Variants in ANK2 observed in about 807,000 individuals in gnomAD.
The protein encoded by ANK2 is ankyrin-2.
A neutral mutation model predicts 360.5 loss-of-function variants in ANK2; 83 were observed. That is an observed-to-expected ratio of 0.23 (90% CI 0.19 to 0.28). The LOEUF (loss-of-function observed/expected upper bound fraction) is 0.28, where lower values mean the gene tolerates loss of function less well. ANK2 is among the 10% of genes least tolerant of loss of function. The pLI is 1.00. For missense variants in ANK2, 4,201 were observed against 4,795.7 expected (o/e 0.88, Z 3.66); for synonymous variants, 1,740 against 1,759.5 (o/e 0.99, Z 0.28).
rs200605861 is a variant in ANK2 at position 113,358,872 on chromosome 4, A to C, written c.10254A>C (p.Arg3418Ser). ...ACACTGAGACAGAAACAGAGAGCAG[A>C]GAGAGGGCCGAGGAACTTGAGTTAG... is the stretch of plus-strand genomic sequence containing the variant. ...RSYTETETES[R>S]ERAEELELES... Residue 3418 changes from arginine (R) to serine (S), a missense_variant, in exon 38 of 46, where the codon AGA becomes AGC. Physicochemically the swap from Arg to Ser is moderately radical, Grantham distance 110. Around this residue, in one of 4 missense-constraint regions of ANK2, gnomAD observed 2,642 missense variants for 2,714.5 expected, o/e 0.97. Coordinates refer to ENST00000357077, the MANE Select transcript of ANK2 (RefSeq NM_001148.6). 41 of 1,614,012 alleles carry C rather than the reference A, an allele frequency of 2.5e-5. No homozygotes were observed. The highest frequency in any genetic ancestry group is 1.1e-5 in the Non-Finnish European group (13 of 1,179,976).
At chr4:113,185,185 T>C (rs1235366039) in intron 2 of ANK2, among the ~76,000 whole-genome samples, 2 of 152,244 alleles carry the variant, frequency 1.3e-5, no homozygotes, top group Non-Finnish European at 2.9e-5. Context: ...TGTGTCTTTA[T>C]AGTAGAATGA....
chr4:112,887,552 G>A (rs1008919712), intron 1 of ANK2, among the ~76,000 whole-genome samples: 1 of 152,116 alleles, frequency 6.6e-6, no homozygotes, highest in African/African-American at 2.4e-5. Flanking sequence ...ATGAATAAAA[G>A]ATATGTGTTT....
intron 2 of ANK2, among the ~76,000 whole-genome samples, chr4:112,955,807 T>C (rs777764916): frequency 8.5e-5 from 13 of 152,232 alleles, no homozygotes; most frequent in Non-Finnish European, 1.5e-4. Flanking sequence ...TTAGTATCCC[T>C]ATTTTGGAAG....
At chr4:113,372,612 G>A in intron 43 of ANK2, 6 of 1,535,574 alleles carry the variant, frequency 3.9e-6, no homozygotes, top group South Asian at 3.6e-5. Flanking sequence ...GTCCGCCGGC[G>A]AGTGATTATT....
the ANK2 span, among the ~76,000 whole-genome samples, chr4:112,812,171 C>T: frequency 1.8e-4 from 26 of 146,734 alleles, no homozygotes; most frequent in Non-Finnish European, 3.6e-4. Flanking sequence ...GACTAATTTT[C>T]GTGTAAGGAA....
intron 1 of ANK2, among the ~76,000 whole-genome samples, chr4:112,899,304 C>T (rs567838051): frequency 3.2e-4 from 49 of 152,224 alleles, no homozygotes; most frequent in African/African-American, 1.1e-3. Context: ...TTCAATTAAA[C>T]TGATTGCTTA....
chr4:113,331,033 C>G (rs919922155), intron 27 of ANK2, among the ~76,000 whole-genome samples: 3 of 152,080 alleles, frequency 2.0e-5, no homozygotes, highest in Non-Finnish European at 4.4e-5. Flanking sequence ...TAGCTTCCAC[C>G]GTGCTCGTTT....
At chr4:113,194,233 T>G (rs1584515239) in intron 2 of ANK2, among the ~76,000 whole-genome samples, 1 of 152,208 alleles carries the variant, frequency 6.6e-6, no homozygotes, top group East Asian at 1.9e-4. Context: ...TGATGGATGA[T>G]GATGCAAACA....
intron 1 of ANK2, among the ~76,000 whole-genome samples, chr4:113,155,071 A>T (rs889895809): frequency 4.6e-5 from 7 of 152,260 alleles, no homozygotes; most frequent in African/African-American, 1.4e-4. Context: ...TGTGTATAGC[A>T]AATTCCATAT....
At chr4:112,766,192 C>T in the ANK2 span, among the ~76,000 whole-genome samples, 40 of 151,820 alleles carry the variant, frequency 2.6e-4, no homozygotes, top group African/African-American at 7.5e-4. Context: ...ATTAGCCGGG[C>T]GTGGTGGTGC....
intron 1 of ANK2, among the ~76,000 whole-genome samples, chr4:113,099,306 C>T (rs9996681): frequency 0.48 from 73,375 of 151,612 alleles, 18,746 homozygotes; most frequent in African/African-American, 0.63. Flanking sequence ...TTGATGATAG[C>T]AGGATCACAG....
At chr4:112,998,375 G>T (rs1014436322) in intron 2 of ANK2, among the ~76,000 whole-genome samples, 1 of 152,070 alleles carries the variant, frequency 6.6e-6, no homozygotes, top group Non-Finnish European at 1.5e-5. Flanking sequence ...AGTACCATTT[G>T]CCAGAAGTGT....
At chr4:113,053,466 G>A (rs1049656047) in intron 1 of ANK2, among the ~76,000 whole-genome samples, 5 of 152,182 alleles carry the variant, frequency 3.3e-5, no homozygotes, top group Admixed American at 2.0e-4. Context: ...GTTCAGTGGC[G>A]AAGAGGAAAT....
At chr4:113,017,043 T>C (rs1391894993) in intron 2 of ANK2, among the ~76,000 whole-genome samples, 1 of 152,216 alleles carries the variant, frequency 6.6e-6, no homozygotes, top group Non-Finnish European at 1.5e-5. Flanking sequence ...AAATGTGGTA[T>C]ACCACATGCA....
chr4:112,791,104 G>C, the ANK2 span, among the ~76,000 whole-genome samples: 1 of 152,192 alleles, frequency 6.6e-6, no homozygotes, highest in African/African-American at 2.4e-5. Context: ...GCAGAAGTTG[G>C]ATTACTGGGT....
chr4:112,868,940 A>G (rs1226543559), intron 1 of ANK2, among the ~76,000 whole-genome samples: 1 of 151,876 alleles, frequency 6.6e-6, no homozygotes, highest in East Asian at 1.9e-4. Context: ...CCATTCTAAG[A>G]GTTGTCTTTT....
At chr4:112,996,944 T>C (rs1166403278) in intron 2 of ANK2, among the ~76,000 whole-genome samples, 1 of 152,098 alleles carries the variant, frequency 6.6e-6, no homozygotes, top group East Asian at 1.9e-4. Context: ...TCTCCCTATG[T>C]CCATGAATTT....
chr4:113,012,183 T>C (rs2054971944), intron 2 of ANK2, among the ~76,000 whole-genome samples: 1 of 152,164 alleles, frequency 6.6e-6, no homozygotes, highest in African/African-American at 2.4e-5. Context: ...GAGAAGGTAA[T>C]TGGTTTTTAT....
chr4:113,222,292 C>G lies in ANK2; in HGVS notation c.385-9869C>G, dbSNP rs2099159942. The stretch of plus-strand genomic sequence containing the variant: ...ATAGAAATTCCATAATGTCACAAGG[C>G]AGAGCTTTCCAGCTCATCCCTAGTA... On this transcript the variant is annotated intron_variant, in intron 4 of 45. Coordinates refer to ENST00000357077, the MANE Select transcript of ANK2 (RefSeq NM_001148.6). Among the ~76,000 whole-genome samples, 3 of 152,070 alleles carry G rather than the reference C, an allele frequency of 2.0e-5. No individual in the cohort carries two copies. In the South Asian group the frequency reaches 6.2e-4, roughly 31 times the overall value.
Sources: allele counts gnomAD v4.1 joint callset (sites outside exome capture counted in the v4.1 genomes callset), GRCh38; gene constraint gnomAD v4.1.1; regional missense constraint gnomAD v4.1.1; transcripts MANE v1.5; gene names NCBI Gene and HGNC (gene_info 2026-07-23, HGNC 2026-07-21).